RALYL: variants seen among roughly 807,000 people sequenced by gnomAD.
RALYL encodes the protein RNA-binding Raly-like protein.
RALYL carries 29 observed loss-of-function variants against 35.1 expected under a neutral mutation model. The observed-to-expected ratio is 0.83, with a 90% CI of 0.61 to 1.13. The LOEUF (loss-of-function observed/expected upper bound fraction) is 1.13. RALYL is among the 50% of genes most tolerant of loss of function. The pLI, the probability that RALYL is intolerant of heterozygous loss-of-function variation, is 0.00. For missense variants in RALYL, 359 were observed against 360.4 expected, an observed-to-expected ratio of 1.00 and a Z score of 0.03; for synonymous variants, 120 against 127.6, an observed-to-expected ratio of 0.94 and a Z score of 0.40.
At chr8:84,719,658 A>G (rs1843537034) in intron 2 of RALYL, among the ~76,000 whole-genome samples, 1 of 152,106 alleles carries the variant, frequency 6.6e-6, no homozygotes, top group African/African-American at 2.4e-5. Flanking sequence ...TATTTATTAT[A>G]CTTTTTAAAA....
chr8:84,212,369 C>T (rs1002092368), intron 1 of RALYL, among the ~76,000 whole-genome samples: 1 of 152,028 alleles, frequency 6.6e-6, no homozygotes, highest in Admixed American at 6.6e-5. Flanking sequence ...CAAAATCATG[C>T]TTAATAGTTG....
In RALYL at chr8:84,322,024, A is replaced by G. The variant is rs1190189550; in HGVS notation, c.-24+137600A>G. On this transcript the variant is annotated intron_variant, in intron 1 of 8. Transcript: ENST00000521268. ...AACAACAGATATCAAAATATGTGACAAAAAACCTGATAGAACTGAAAGGAG... is the reference window on the plus strand; with the variant it reads ...AACAACAGATATCAAAATATGTGACGAAAAACCTGATAGAACTGAAAGGAG... 2.6e-5 allele frequency among the ~76,000 whole-genome samples: 4 copies of G among 152,224 alleles called. No individual in the cohort carries two copies. The East Asian group carries it at 5.8e-4, about 22-fold the overall frequency.
At chr8:84,355,725 G>A (rs947860540) in intron 1 of RALYL, among the ~76,000 whole-genome samples, 2 of 150,186 alleles carry the variant, frequency 1.3e-5, no homozygotes, top group Admixed American at 6.6e-5. Flanking sequence ...AGTGGAAAGT[G>A]AGAAATCTAG....
chr8:84,426,387 C>T (rs1485071782), intron 1 of RALYL, among the ~76,000 whole-genome samples: 2 of 151,612 alleles, frequency 1.3e-5, no homozygotes, highest in Non-Finnish European at 2.9e-5. Flanking sequence ...TCTCCCCATT[C>T]CTCCTGCCTC....
rs1320031220 is a variant in RALYL at position 84,517,366 on chromosome 8, T to C, written c.-23-11933T>C. 3.9e-5 allele frequency among the ~76,000 whole-genome samples: 6 copies of C among 152,186 alleles called. No homozygotes were observed. The East Asian group carries it at 9.6e-4, about 24-fold the overall frequency. On this transcript the variant is annotated intron_variant, in intron 1 of 8. Coordinates refer to ENST00000521268, the MANE Select transcript of RALYL (RefSeq NM_173848.7). ...CTAGGTCATAATACTGAAGGAAAGATACCTGTAGAATCACAACTGCTCCTG... is the reference window on the plus strand; with the variant it reads ...CTAGGTCATAATACTGAAGGAAAGACACCTGTAGAATCACAACTGCTCCTG...
At chr8:84,701,552 A>G (rs1302335358) in intron 2 of RALYL, among the ~76,000 whole-genome samples, 1 of 152,200 alleles carries the variant, frequency 6.6e-6, no homozygotes, top group Non-Finnish European at 1.5e-5. Context: ...AAAGATGTCA[A>G]TACTCCGAGT....
At chr8:84,344,690 G>T (rs1849483826) in intron 1 of RALYL, among the ~76,000 whole-genome samples, 1 of 151,892 alleles carries the variant, frequency 6.6e-6, no homozygotes, top group African/African-American at 2.4e-5. Flanking sequence ...TCCACCCTTT[G>T]ATAACATTAT....
At chr8:84,849,723 ATTT>A (rs1835432616) in intron 4 of RALYL, among the ~76,000 whole-genome samples, 1 of 151,982 alleles carries the variant, frequency 6.6e-6, no homozygotes, top group African/African-American at 2.4e-5. Context: ...GTTTTAACTT[ATTT>A]ATTTTGCTAC....
chr8:84,677,181 C>G (rs949621278), intron 2 of RALYL, among the ~76,000 whole-genome samples: 1 of 152,174 alleles, frequency 6.6e-6, no homozygotes, highest in Non-Finnish European at 1.5e-5. Flanking sequence ...AGAGCTATAT[C>G]TATTAAGCCT....
At chr8:84,685,082 C>G (rs910545922) in intron 2 of RALYL, among the ~76,000 whole-genome samples, 3 of 152,100 alleles carry the variant, frequency 2.0e-5, no homozygotes, top group Non-Finnish European at 2.9e-5. Flanking sequence ...ATTCTACCCT[C>G]ATGACCTCGT....
chr8:84,511,034 A>G (rs1003004810), intron 1 of RALYL, among the ~76,000 whole-genome samples: 2 of 152,306 alleles, frequency 1.3e-5, no homozygotes, highest in East Asian at 1.9e-4. Context: ...TCTCCTGTCT[A>G]TCTGAAACGT....
chr8:84,420,460 G>A (rs1489647875), intron 1 of RALYL, among the ~76,000 whole-genome samples: 2 of 151,500 alleles, frequency 1.3e-5, no homozygotes, highest in African/African-American at 2.4e-5. Context: ...TATGTCAGAT[G>A]AGTTGGTTGC....
intron 2 of RALYL, among the ~76,000 whole-genome samples, chr8:84,665,557 T>G (rs915958910): frequency 5.3e-5 from 8 of 152,084 alleles, no homozygotes; most frequent in Admixed American, 5.2e-4. Context: ...GTCCAGGAAT[T>G]TATCCATTTC....
chr8:84,212,405 T>C (rs1413374553), intron 1 of RALYL, among the ~76,000 whole-genome samples: 1 of 152,176 alleles, frequency 6.6e-6, no homozygotes, highest in Non-Finnish European at 1.5e-5. Context: ...CGCCTTCATT[T>C]TTTTTCTGGG....
At chr8:84,635,341 T>C (rs1824828131) in intron 2 of RALYL, among the ~76,000 whole-genome samples, 2 of 127,720 alleles carry the variant, frequency 1.6e-5, no homozygotes, top group African/African-American at 4.9e-5. Context: ...TTTTAAGTAC[T>C]GTCTTCTATA....
intron 2 of RALYL, among the ~76,000 whole-genome samples, chr8:84,647,303 G>T (rs1827699633): frequency 6.6e-6 from 1 of 152,082 alleles, no homozygotes; most frequent in Non-Finnish European, 1.5e-5. Context: ...AGCATCTCTG[G>T]CATGTTTGCG....
At chr8:84,260,086 G>C (rs1831972352) in intron 1 of RALYL, among the ~76,000 whole-genome samples, 1 of 152,124 alleles carries the variant, frequency 6.6e-6, no homozygotes, top group Admixed American at 6.6e-5. Context: ...GCACTTACAA[G>C]TTAGATATTT....
intron 2 of RALYL, among the ~76,000 whole-genome samples, chr8:84,584,383 T>C (rs1811520766): frequency 6.6e-6 from 1 of 152,064 alleles, no homozygotes; most frequent in South Asian, 2.1e-4. Flanking sequence ...GGCAAGTGGA[T>C]CACGTGGTCA....
intron 4 of RALYL, among the ~76,000 whole-genome samples, chr8:84,824,437 C>T (rs1563684936): frequency 6.6e-6 from 1 of 151,832 alleles, no homozygotes; most frequent in Non-Finnish European, 1.5e-5. Context: ...GCCAGACTGC[C>T]CAAAGCAACC....
Sources: gnomAD v4.1 joint callset for allele counts (sites outside exome capture counted in the v4.1 genomes callset) on GRCh38, gnomAD v4.1.1 for gene constraint, MANE v1.5 for transcripts, NCBI Gene and HGNC (gene_info 2026-07-23, HGNC 2026-07-21) for gene names.